Variants in LAMP3 observed in about 807,000 individuals in gnomAD.
LAMP3 encodes lysosome associated membrane protein 3, also known as lysosome-associated membrane glycoprotein 3.
LAMP3 carries 26 observed loss-of-function variants against 34.8 expected under a neutral mutation model. The ratio of observed to expected loss-of-function variants is 0.75; its 90% CI spans 0.55 to 1.04. The LOEUF is 1.04. LAMP3 is among the 50% of genes least tolerant of loss of function. The pLI is 0.00. For missense variants in LAMP3, 495 were observed against 524.0 expected (o/e 0.94, Z 0.54); for synonymous variants, 180 against 201.9 (o/e 0.89, Z 0.92).
intron 1 of LAMP3, chr3:183,161,831 G>T: frequency 3.0e-6 from 1 of 329,044 alleles, no homozygotes; most frequent in Non-Finnish European, 4.4e-6. Context: ...TTCCTCTTCT[G>T]TCCCCTAAAA....
intron 1 of LAMP3, chr3:183,161,072 T>C (rs1332217780): frequency 6.6e-6 from 1 of 152,212 alleles, no homozygotes; most frequent in Admixed American, 6.5e-5. Context: ...CTGCAGTAAT[T>C]GCTGTCCAGG....
At chr3:183,142,617 G>A (rs568724507) in intron 3 of LAMP3, among the ~76,000 whole-genome samples, 1 of 152,194 alleles carries the variant, frequency 6.6e-6, no homozygotes, top group Admixed American at 6.6e-5. Context: ...TAGTTTGTAG[G>A]TGAGACAAAG....
Position 183,160,040 on chromosome 3 carries a change from C to T in LAMP3, c.49+2567G>A, listed in dbSNP as rs142286081. 6.9e-4 allele frequency among the ~76,000 whole-genome samples: 105 copies of T among 152,344 alleles called. 1 individual carries two copies. The highest frequency in any genetic ancestry group is 2.4e-3 in the African/African-American group (101 of 41,576). On this transcript the variant is annotated intron_variant, in intron 1 of 5. Transcript: ENST00000265598. ...CTAATGACGGATCTCCAGTGAAGCA[C>T]TCCCACACTAGAACTGACCTGAATT...
intron 5 of LAMP3, among the ~76,000 whole-genome samples, chr3:183,126,534 A>ATGTGTG (rs111747229): frequency 0.014 from 2,072 of 149,738 alleles, 36 homozygotes; most frequent in African/African-American, 0.038. Flanking sequence ...TCCTCTGTGA[A>ATGTGTG]TGTGTGTGTG....
chr3:183,162,541 A>G, intron 1 of LAMP3, 66 bp downstream of exon 1: 1 of 1,474,966 alleles, frequency 6.8e-7, no homozygotes, highest in Non-Finnish European at 9.3e-7. Context: ...GGGACTCCAG[A>G]GTGCGTTTAG....
rs1369423682 is a variant in LAMP3 at position 183,152,491 on chromosome 3, G to A, written c.772C>T (p.Arg258Trp). ...VQDKESVFSP[R>W]RYFNIDPNAT... ...TTGGGGTCGATGTTGAAGTATCTCC[G>A]AGGTGAAAAAACCTAAATCAAGTTA... Residue 258 changes from arginine to tryptophan, a missense_variant, in exon 3 of 6, where the codon CGG (arginine) becomes TGG (tryptophan). Coordinates refer to ENST00000265598, the MANE Select transcript of LAMP3 (RefSeq NM_014398.4). The A allele has an allele frequency of 2.5e-6, 4 of 1,609,412 alleles. No homozygotes were observed. Among genetic ancestry groups the A allele is most frequent in the Non-Finnish European group, 2.5e-6 (3 of 1,178,414 alleles).
rs1345385618 is a variant in LAMP3 at position 183,154,121 on chromosome 3, G to A, written c.320C>T (p.Thr107Ile). 18 of 1,614,082 alleles carry A rather than the reference G, an allele frequency of 1.1e-5. No individual in the cohort carries two copies. The highest frequency in any genetic ancestry group is 1.4e-5 in the Non-Finnish European group (17 of 1,180,032). Residue 107 changes from threonine (T) to isoleucine (I), a missense_variant, in exon 2 of 6, where the codon ACC becomes ATC. By Grantham distance (89) the Thr-to-Ile change is moderately conservative (BLOSUM62 -1). Coordinates refer to ENST00000265598, the MANE Select transcript of LAMP3 (RefSeq NM_014398.4). ...TSPITYTLVTTQATPNNSHTA... is the reference protein window; with the variant it reads ...TSPITYTLVTIQATPNNSHTA... ...GTGTGAGTTGTTGGGTGTGGCCTGG[G>A]TTGTGACCAGGGTGTAGGTAATTGG...
At chr3:183,149,503 CCACTGCA>C (rs1401579489) in intron 3 of LAMP3, among the ~76,000 whole-genome samples, 1 of 141,564 alleles carries the variant, frequency 7.1e-6, no homozygotes, top group Non-Finnish European at 1.5e-5. Context: ...CGAGATCGCA[CCACTGCA>C]CTCCAGCCTG....
intron 5 of LAMP3, among the ~76,000 whole-genome samples, chr3:183,129,811 G>A (rs140412462): frequency 4.1e-4 from 63 of 152,264 alleles, no homozygotes; most frequent in African/African-American, 1.5e-3. Flanking sequence ...TTTACATGGT[G>A]AAGCCCTAAC....
At chr3:183,155,979 G>C (rs1253492147) in intron 1 of LAMP3, among the ~76,000 whole-genome samples, 1 of 152,224 alleles carries the variant, frequency 6.6e-6, no homozygotes, top group African/African-American at 2.4e-5. Flanking sequence ...CTGTCCTTAA[G>C]GGCAGAGGTC....
rs1047543634 is a variant in LAMP3, at chr3:183,153,743, C to T, written c.698G>A (p.Gly233Glu). ...CTCTGCTTTTATACAGAGTCTGCTT[C>T]CGTTTAGAACCTGATAAATTCCAGT... Reference protein sequence around the residue: ...VKTGIYQVLNGSRLCIKAEMG... With the variant: ...VKTGIYQVLNESRLCIKAEMG... The change falls in exon 2 of 6, where the codon GGA becomes GAA. Residue 233 changes from glycine to glutamate, a missense_variant. Physicochemically the swap from Gly to Glu is moderately conservative, Grantham distance 98. Coordinates refer to ENST00000265598, the MANE Select transcript of LAMP3 (RefSeq NM_014398.4). 7.8e-6 allele frequency: 12 copies of T among 1,541,386 alleles called. No individual in the cohort carries two copies. Among genetic ancestry groups the T allele is most frequent in the Non-Finnish European group, 1.0e-5 (12 of 1,146,588 alleles).
Position 183,140,603 on chromosome 3 carries a change from A to G in LAMP3, c.889-8T>C. 1 of 1,577,218 alleles carries G rather than the reference A, an allele frequency of 6.3e-7. No homozygotes were observed. Among genetic ancestry groups the G allele is most frequent in the Non-Finnish European group, 8.7e-7 (1 of 1,146,844 alleles). ...ATAATATGATTCTTCATCCTGTAAA[A>G]CAGTAGGGTGTTAACCTTTGGGTTA... is the stretch of plus-strand genomic sequence containing the variant. On this transcript the variant is annotated splice_region_variant and splice_polypyrimidine_tract_variant and intron_variant, in intron 3 of 5. Coordinates refer to ENST00000265598, the MANE Select transcript of LAMP3 (RefSeq NM_014398.4).
chr3:183,136,114 G>A (rs995404280), intron 4 of LAMP3, among the ~76,000 whole-genome samples: 7 of 152,104 alleles, frequency 4.6e-5, no homozygotes, highest in Admixed American at 6.5e-5. Context: ...ACTGGAATGC[G>A]CAAATAATGA....
intron 4 of LAMP3, among the ~76,000 whole-genome samples, chr3:183,136,990 A>G (rs1214997755): frequency 6.6e-6 from 1 of 152,122 alleles, no homozygotes; most frequent in African/African-American, 2.4e-5. Flanking sequence ...CCTGGGACAC[A>G]GAGCAAGAAT....
At chr3:183,163,352 G>A (rs1721040482), upstream of LAMP3, among the ~76,000 whole-genome samples, 1 of 151,438 alleles carries the variant, frequency 6.6e-6, no homozygotes, top group Non-Finnish European at 1.5e-5. Context: ...CGCCAGGCTG[G>A]AGTGCAGTGG....
At chr3:183,141,100 G>A (rs543629313) in intron 3 of LAMP3, among the ~76,000 whole-genome samples, 1 of 152,282 alleles carries the variant, frequency 6.6e-6, no homozygotes, top group African/African-American at 2.4e-5. Context: ...AAACCCTCTG[G>A]GAAAAACAAT....
chr3:183,138,971 A>G (rs892684944), intron 4 of LAMP3, among the ~76,000 whole-genome samples: 1 of 152,118 alleles, frequency 6.6e-6, no homozygotes, highest in African/African-American at 2.4e-5. Flanking sequence ...CAAAGAGCTG[A>G]ATCTCTCTGC....
rs1720750036 is a variant in LAMP3, at chr3:183,154,112, G to A, written c.329C>T (p.Thr110Ile). ...ITYTLVTTQATPNNSHTAPPV... is the reference protein window; with the variant it reads ...ITYTLVTTQAIPNNSHTAPPV... ...AGGAGCTGTGTGTGAGTTGTTGGGT[G>A]TGGCCTGGGTTGTGACCAGGGTGTA... The change falls in exon 2 of 6, where the codon ACA becomes ATA. Residue 110 changes from threonine (T) to isoleucine (I), a missense_variant. Transcript: ENST00000265598. 6.2e-7 allele frequency: 1 copy of A among 1,614,110 alleles called. No individual in the cohort carries two copies. Among genetic ancestry groups the A allele is most frequent in the African/African-American group, 1.3e-5 (1 of 74,940 alleles).
At chr3:183,139,789 C>T (rs772211880) in intron 4 of LAMP3, among the ~76,000 whole-genome samples, 78 of 152,288 alleles carry the variant, frequency 5.1e-4, no homozygotes, top group Non-Finnish European at 1.8e-4. Flanking sequence ...TCCTCTTCCT[C>T]TTCTAGAATG....
Sources: allele counts gnomAD v4.1 joint callset (sites outside exome capture counted in the v4.1 genomes callset), GRCh38; gene constraint gnomAD v4.1.1; transcripts MANE v1.5; gene names NCBI Gene and HGNC (gene_info 2026-07-23, HGNC 2026-07-21).